VAV2: variants seen among roughly 807,000 people sequenced by gnomAD.
VAV2 encodes guanine nucleotide exchange factor VAV2.
Under a neutral mutation model 132.5 loss-of-function variants are expected in VAV2, and 67 were observed. That is an observed-to-expected ratio of 0.51 (90% CI 0.42 to 0.62). The LOEUF is 0.62. VAV2 is among the 20% of genes least tolerant of loss of function. The probability of loss-of-function intolerance (pLI) is 0.00; values close to 1 mark genes in which losing one functional copy is unlikely to be tolerated. For synonymous variants in VAV2, 492 were observed against 443.5 expected (o/e 1.11, Z -1.37); for missense variants, 938 against 1,153.6 (o/e 0.81, Z 2.71).
chr9:133,787,767 C>A (rs1335543815), intron 15 of VAV2, among the ~76,000 whole-genome samples: 2 of 152,124 alleles, frequency 1.3e-5, no homozygotes, highest in Non-Finnish European at 2.9e-5. Flanking sequence ...GTAGCCCTGG[C>A]CCCACCCGCT....
Position 133,834,298 on chromosome 9 carries a change from G to C in VAV2, c.423C>G (p.Val141=), listed in dbSNP as rs767232784. 1.2e-6 allele frequency: 2 copies of C among 1,612,566 alleles called. No individual in the cohort carries two copies. The highest frequency in any genetic ancestry group is 1.7e-5 in the Admixed American group (1 of 59,860). ...CGGCCAGCTCCTCCAGGCTGCGGTA[G>C]ACGTCATCGTCATTCTCTGTGGTCT... ...SEETTENDDD[V]YRSLEELADE... The change falls in exon 4 of 30, where the codon GTC becomes GTG. Residue 141 remains valine (V), a synonymous_variant. Transcript: ENST00000371850. This position sits in a 1 kb window ranked among gnomAD's most constrained non-coding sequence, Gnocchi z 5.9.
intron 3 of VAV2, among the ~76,000 whole-genome samples, chr9:133,844,522 C>T (rs1836854378): frequency 1.3e-5 from 2 of 152,372 alleles, no homozygotes; most frequent in East Asian, 1.9e-4. Flanking sequence ...AGGGCTGAGG[C>T]CTGCACCCCC....
intron 17 of VAV2, 79 bp from the exon 18 acceptor site, chr9:133,784,497 CT>C: frequency 6.7e-7 from 1 of 1,501,636 alleles, no homozygotes. Context: ...TGGGAACCAG[CT>C]GGGCTCCGGA....
intron 1 of VAV2, 85 bp from the exon 2 acceptor site, chr9:133,939,304 G>T: frequency 2.5e-6 from 3 of 1,221,670 alleles, no homozygotes; most frequent in Non-Finnish European, 3.6e-6. Flanking sequence ...ACAGCAGCAA[G>T]CTCTGGCTTC....
At chr9:133,816,421 C>T (rs1445431341) in intron 4 of VAV2, among the ~76,000 whole-genome samples, 2 of 152,238 alleles carry the variant, frequency 1.3e-5, no homozygotes, top group Admixed American at 6.5e-5. Context: ...CTTTCAATCA[C>T]AATATATTTT....
chr9:133,855,873 C>G (rs1408313549), intron 3 of VAV2, among the ~76,000 whole-genome samples: 1 of 152,236 alleles, frequency 6.6e-6, no homozygotes, highest in East Asian at 1.9e-4. Context: ...CACAGCAATG[C>G]TAGTCACAGG....
intron 9 of VAV2, among the ~76,000 whole-genome samples, chr9:133,798,580 C>A (rs1220656671): frequency 6.6e-6 from 1 of 152,214 alleles, no homozygotes. Context: ...GCCTCTGGAG[C>A]CTCAGGGTCT....
At chr9:133,910,583 G>A (rs895083068) in intron 2 of VAV2, among the ~76,000 whole-genome samples, 4 of 151,596 alleles carry the variant, frequency 2.6e-5, no homozygotes, top group South Asian at 2.1e-4. Context: ...GGCTGAGGCC[G>A]GCGGATCACG....
chr9:133,851,436 G>A lies in VAV2; in HGVS notation c.380+9938C>T, dbSNP rs185899277. Among the ~76,000 whole-genome samples the A allele has an allele frequency of 4.9e-4, 75 of 152,328 alleles. No homozygotes were observed. The East Asian group carries it at 9.4e-3, about 19-fold the overall frequency. On this transcript the variant is annotated intron_variant, in intron 3 of 29. Transcript: ENST00000371850. ...ACTCCAAAGGGCCGGTGAGGACACT[G>A]AGGTTCAGGGTGTAAGAAATTGATC...
chr9:133,841,810 G>C (rs1185670797), intron 3 of VAV2, among the ~76,000 whole-genome samples: 1 of 152,188 alleles, frequency 6.6e-6, no homozygotes, highest in Non-Finnish European at 1.5e-5. Context: ...CTAAGACCAA[G>C]GGAGATGGTG....
At chr9:133,914,959 G>A (rs1290043433) in intron 2 of VAV2, among the ~76,000 whole-genome samples, 1 of 152,018 alleles carries the variant, frequency 6.6e-6, no homozygotes, top group Non-Finnish European at 1.5e-5. Context: ...CCAGTGCTGG[G>A]CCAAGCGGCA....
intron 1 of VAV2, among the ~76,000 whole-genome samples, chr9:133,940,345 T>C (rs1841092857): frequency 6.6e-6 from 1 of 152,152 alleles, no homozygotes; most frequent in Non-Finnish European, 1.5e-5. Flanking sequence ...CCGTCCCCTA[T>C]GGACAAACTG....
In VAV2 at chr9:133,912,152, C is replaced by T. The variant is rs1440801421; in HGVS notation, c.321+26951G>A. Among the ~76,000 whole-genome samples, 1 of 152,162 alleles carries T rather than the reference C, an allele frequency of 6.6e-6. No individual in the cohort carries two copies. Among genetic ancestry groups the T allele is most frequent in the East Asian group, 1.9e-4 (1 of 5,178 alleles). ...TGAGCTCAGGACAGCCACCAGCTCCCGCTGGTGAACTTAGATCAGCTGCGG... is the reference window on the plus strand; with the variant it reads ...TGAGCTCAGGACAGCCACCAGCTCCTGCTGGTGAACTTAGATCAGCTGCGG... On this transcript the variant is annotated intron_variant, in intron 2 of 29. Coordinates refer to ENST00000371850, the MANE Select transcript of VAV2 (RefSeq NM_001134398.2). This position sits in a 1 kb window ranked among gnomAD's most constrained non-coding sequence, Gnocchi z 4.3.
chr9:133,771,975 T>A lies in VAV2; in HGVS notation c.2207A>T (p.Lys736Ile). Residue 736 changes from lysine to isoleucine, a missense_variant, in exon 26 of 30, where the codon AAA becomes ATA. Transcript: ENST00000371850. The stretch of plus-strand genomic sequence containing the variant: ...GTCACCTACCAGGAGGCTGTCGAAT[T>A]TCTTGGCCTCTGTGATGTGGATCCA... ...DNWIHITEAK[K>I]FDSLLELVEY... The A allele has an allele frequency of 1.9e-6, 3 of 1,604,768 alleles. No homozygotes were observed. The highest frequency in any genetic ancestry group is 2.2e-5 in the South Asian group (2 of 90,714).
intron 2 of VAV2, among the ~76,000 whole-genome samples, chr9:133,896,851 T>C (rs1235546292): frequency 1.3e-5 from 2 of 151,988 alleles, no homozygotes; most frequent in African/African-American, 2.4e-5. Context: ...TCCTAGCACT[T>C]TGGGAGGCCG....
intron 4 of VAV2, among the ~76,000 whole-genome samples, chr9:133,815,434 A>C (rs575889828): frequency 6.6e-6 from 1 of 152,072 alleles, no homozygotes; most frequent in Non-Finnish European, 1.5e-5. Flanking sequence ...TTTTCATCTC[A>C]CCGGAGCTCC....
chr9:133,799,902 C>T (rs1572752), intron 9 of VAV2, among the ~76,000 whole-genome samples: 2 of 152,082 alleles, frequency 1.3e-5, no homozygotes, highest in South Asian at 2.1e-4. Context: ...TGACTCCCGG[C>T]GGCCGCCTGC....
intron 2 of VAV2, among the ~76,000 whole-genome samples, chr9:133,873,008 G>A (rs997753563): frequency 2.0e-5 from 3 of 151,442 alleles, no homozygotes; most frequent in African/African-American, 4.9e-5. Context: ...AGCTACTTGG[G>A]AGGCTGGGGC....
chr9:133,872,563 A>G (rs1266740570), intron 2 of VAV2, among the ~76,000 whole-genome samples: 2 of 141,956 alleles, frequency 1.4e-5, no homozygotes, highest in Non-Finnish European at 3.0e-5. Flanking sequence ...AGGAAACCCA[A>G]AGCCTGGAGC....
Sources: gnomAD v4.1 joint callset for allele counts (sites outside exome capture counted in the v4.1 genomes callset) on GRCh38, gnomAD v4.1.1 for gene constraint, Gnocchi (gnomAD v3.1) non-coding constraint, MANE v1.5 for transcripts, NCBI Gene and HGNC (gene_info 2026-07-23, HGNC 2026-07-21) for gene names.